The following FN1 variants were observed in gnomAD, a reference collection of about 807,000 sequenced individuals.
The protein encoded by FN1 is fibronectin.
A neutral mutation model predicts 297.3 loss-of-function variants in FN1; 106 were observed. The observed-to-expected ratio is 0.36, with a 90% CI of 0.30 to 0.42. FN1 has a LOEUF of 0.42. FN1 is among the 10% of genes least tolerant of loss of function. The pLI is 1.00. For missense variants in FN1, 2,690 were observed against 3,124.9 expected (o/e 0.86, Z 3.32); for synonymous variants, 1,149 against 1,152.6 (o/e 1.00, Z 0.06).
intron 5 of FN1, 75 bp downstream of exon 5, chr2:215,430,632 GAGTAACAT>G: frequency 6.6e-7 from 1 of 1,510,542 alleles, no homozygotes; most frequent in South Asian, 1.1e-5. Context: ...GATGTGTTCT[GAGTAACAT>G]AGTATTACCC....
chr2:215,367,391 T>A (rs1214935721), intron 42 of FN1, among the ~76,000 whole-genome samples: 1 of 152,216 alleles, frequency 6.6e-6, no homozygotes, highest in Non-Finnish European at 1.5e-5. Context: ...CTGGGCTATG[T>A]GTGTGACGCA....
intron 25 of FN1, chr2:215,392,126 C>A: frequency 6.1e-6 from 2 of 327,034 alleles, no homozygotes; most frequent in Non-Finnish European, 1.2e-5. Flanking sequence ...TATCCCAGGC[C>A]GAAGAGGCTT....
intron 38 of FN1, 109 bp downstream of exon 38, chr2:215,375,105 G>C: frequency 1.8e-6 from 2 of 1,118,194 alleles, no homozygotes; most frequent in Non-Finnish European, 2.7e-6. Context: ...ATCAGGAACA[G>C]AGTTTCGCAT....
chr2:215,392,519 T>A lies in FN1; in HGVS notation c.4069+412A>T, dbSNP rs1222521910. The A allele has an allele frequency of 1.2e-5, 3 of 246,594 alleles. No individual in the cohort carries two copies. In the East Asian group the frequency reaches 3.3e-4, roughly 27 times the overall value. 15.3% of individuals were successfully genotyped at this position (246,594 alleles called of 1,614,324 possible). ...GCTACAAAGAAGGAGCATGGTAGAGTTTATCAAAGGGTAGAAGGAAGATCA... is the reference window on the plus strand; with the variant it reads ...GCTACAAAGAAGGAGCATGGTAGAGATTATCAAAGGGTAGAAGGAAGATCA... On this transcript the variant is annotated intron_variant, in intron 25 of 45. Coordinates refer to ENST00000354785, the MANE Select transcript of FN1 (RefSeq NM_212482.4).
intron 42 of FN1, among the ~76,000 whole-genome samples, chr2:215,365,909 A>G (rs535548253): frequency 2.2e-4 from 33 of 148,946 alleles, no homozygotes; most frequent in African/African-American, 7.4e-4. Context: ...GGGTTCATGC[A>G]GTTATCCTGC....
chr2:215,370,489 G>A lies in FN1; in HGVS notation c.6715-57C>T, dbSNP rs536886636. 2.5e-4 allele frequency: 357 copies of A among 1,448,206 alleles called. 4 individuals are homozygous for A. In the African/African-American group the frequency reaches 4.4e-3, roughly 18 times the overall value. 89.7% of individuals were successfully genotyped at this position (1,448,206 alleles called of 1,614,324 possible). A position where few individuals can be genotyped will look rare whatever the true frequency, so the allele number is the denominator to read the frequency against. On this transcript the variant is annotated intron_variant, in intron 40 of 45. Coordinates refer to ENST00000354785, the MANE Select transcript of FN1 (RefSeq NM_212482.4). Reference sequence around the variant, plus strand: ...AAAGCATTATAGTGAGGAATGACACGGGCTCTCCTCTTACCAATAACCCTC... The same window carrying A: ...AAAGCATTATAGTGAGGAATGACACAGGCTCTCCTCTTACCAATAACCCTC...
Position 215,414,801 on chromosome 2 carries a change from G to A in FN1, c.1941+36C>T. 1.9e-6 allele frequency: 3 copies of A among 1,613,394 alleles called. No individual in the cohort carries two copies. The African/African-American group carries it at 4.0e-5, about 22-fold the overall frequency. On this transcript the variant is annotated intron_variant, in intron 13 of 45. Transcript: ENST00000354785. ...ACCATCAGAATTGATAAGATTAGGAGACTCAGTATCCAAGGTTTCTGGGTG... is the reference window on the plus strand; with the variant it reads ...ACCATCAGAATTGATAAGATTAGGAAACTCAGTATCCAAGGTTTCTGGGTG...
chr2:215,426,504 G>T (rs2065463245), intron 6 of FN1, among the ~76,000 whole-genome samples: 1 of 152,090 alleles, frequency 6.6e-6, no homozygotes, highest in South Asian at 2.1e-4. Context: ...GCCCACCGCA[G>T]AACAGAATCA....
intron 23 of FN1, among the ~76,000 whole-genome samples, chr2:215,395,661 T>C (rs1244725114): frequency 6.6e-6 from 1 of 151,950 alleles, no homozygotes; most frequent in Admixed American, 6.6e-5. Context: ...AAAACAGTGA[T>C]GACTAGAGAT....
intron 19 of FN1, 127 bp from the exon 20 acceptor site, chr2:215,404,782 C>T: frequency 2.3e-6 from 2 of 886,120 alleles, no homozygotes; most frequent in Non-Finnish European, 3.6e-6. Flanking sequence ...AAGTCAAAAC[C>T]CTGGAAAAAC....
At position 215,370,625 on chromosome 2, in the gene FN1, G is replaced by A. The variant is rs554078231; in HGVS notation, c.6715-193C>T. 44 of 579,480 alleles carry A rather than the reference G, an allele frequency of 7.6e-5. No individual in the cohort carries two copies. In the East Asian group the frequency reaches 1.3e-3, roughly 17 times the overall value. The allele number at this position is 579,480 out of a possible 1,614,324, so 35.9% of individuals were successfully genotyped here. A position where few individuals can be genotyped will look rare whatever the true frequency, so the allele number is the denominator to read the frequency against. ...GGAGAGAAATGGAACAAGGATAGGGGCCATCGTTCCTGCCAGATTTTCCTG... is the reference window on the plus strand; with the variant it reads ...GGAGAGAAATGGAACAAGGATAGGGACCATCGTTCCTGCCAGATTTTCCTG... On this transcript the variant is annotated intron_variant, in intron 40 of 45. Transcript: ENST00000354785.
At chr2:215,428,372 G>A in intron 5 of FN1, 34 bp from the exon 6 acceptor site, 1 of 1,604,836 alleles carries the variant, frequency 6.2e-7, no homozygotes, top group Non-Finnish European at 8.5e-7. Context: ...CATACATCAG[G>A]TCGAGAGTCG....
chr2:215,378,095 A>T (rs1214420931), intron 35 of FN1, 80 bp downstream of exon 35: 4 of 915,806 alleles, frequency 4.4e-6, no homozygotes, highest in Non-Finnish European at 7.2e-6. Context: ...GACATGAGCC[A>T]CTGAACCCCA....
intron 41 of FN1, among the ~76,000 whole-genome samples, chr2:215,369,730 T>C (rs1179108803): frequency 1.8e-4 from 28 of 151,762 alleles, no homozygotes; most frequent in Admixed American, 1.8e-3. Flanking sequence ...TTAACCTGTA[T>C]AGTCAGAAAA....
At chr2:215,393,289 G>T in intron 24 of FN1, 86 bp from the exon 25 acceptor site, 1 of 1,285,948 alleles carries the variant, frequency 7.8e-7, no homozygotes, top group East Asian at 2.3e-5. Flanking sequence ...TGTATATCAG[G>T]TTACTAGTAG....
rs917164011 is a variant in FN1, at chr2:215,404,760, G to T, written c.2987-105C>A. On this transcript the variant is annotated intron_variant, in intron 19 of 45. Transcript: ENST00000354785. ...GTCTAAGTTTTCTCTCCTCAAGGTT[G>T]TAACTATGTGAAAGTCAAAACCCTG... 6.2e-5 allele frequency: 68 copies of T among 1,089,908 alleles called. No individual in the cohort carries two copies. The African/African-American group carries it at 9.1e-4, about 15-fold the overall frequency. 67.5% of individuals were successfully genotyped at this position (1,089,908 alleles called of 1,614,324 possible).
intron 21 of FN1, among the ~76,000 whole-genome samples, chr2:215,398,925 C>T (rs866825182): frequency 6.6e-6 from 1 of 152,158 alleles, no homozygotes; most frequent in Non-Finnish European, 1.5e-5. Context: ...TCATTTAGAA[C>T]AACACATCAA....
chr2:215,364,543 A>C (rs988339806), intron 44 of FN1: 7 of 392,436 alleles, frequency 1.8e-5, no homozygotes, highest in African/African-American at 1.0e-4. Context: ...CAGTGTAAAT[A>C]GTATCTCTGA....
intron 45 of FN1, 65 bp from the exon 46 acceptor site, chr2:215,361,691 AT>A (rs2053475193): frequency 7.7e-7 from 1 of 1,296,374 alleles, no homozygotes; most frequent in South Asian, 1.2e-5. Context: ...AGAAAAAAAA[AT>A]GCGGGGAGGT....
Sources: allele counts gnomAD v4.1 joint callset (sites outside exome capture counted in the v4.1 genomes callset), GRCh38; gene constraint gnomAD v4.1.1; transcripts MANE v1.5; gene names NCBI Gene and HGNC (gene_info 2026-07-23, HGNC 2026-07-21).